CSMD1: variants seen among roughly 807,000 people sequenced by gnomAD.
CSMD1 encodes the protein CUB and Sushi multiple domains 1.
In CSMD1, 213 loss-of-function variants were observed where a neutral mutation model predicts 417.5. The ratio of observed to expected loss-of-function variants is 0.51; its 90% CI spans 0.46 to 0.57. CSMD1 has a LOEUF of 0.57. CSMD1 is among the 20% of genes least tolerant of loss of function. CSMD1 has a pLI of 0.00. For missense variants in CSMD1, 6,923 were observed against 4,529.7 expected, an observed-to-expected ratio of 1.53 and a Z score of -15.17; for synonymous variants, 2,862 against 1,736.8, an observed-to-expected ratio of 1.65 and a Z score of -16.11.
chr8:3,688,359 G>C (rs1024556367), intron 7 of CSMD1, among the ~76,000 whole-genome samples: 1 of 152,128 alleles, frequency 6.6e-6, no homozygotes, highest in Non-Finnish European at 1.5e-5. Context: ...TAATCATCCA[G>C]TGATATTTAT....
At chr8:3,163,672 A>G (rs961472628) in intron 37 of CSMD1, among the ~76,000 whole-genome samples, 1 of 151,996 alleles carries the variant, frequency 6.6e-6, no homozygotes, top group African/African-American at 2.4e-5. Context: ...CTTCAAAACC[A>G]GCGGCCACCA....
At position 4,730,109 on chromosome 8, in the gene CSMD1, C is replaced by T. The variant is rs560007144; in HGVS notation, c.86-92551G>A. 2.4e-4 allele frequency among the ~76,000 whole-genome samples: 36 copies of T among 152,144 alleles called. No individual in the cohort carries two copies. In the Middle Eastern group the frequency reaches 0.01, roughly 43 times the overall value. ...CATCTTTATTACCCCTTTTCGTCTCCGCACTTAGAAGCATTGAGAAGTACT... is the reference window on the plus strand; with the variant it reads ...CATCTTTATTACCCCTTTTCGTCTCTGCACTTAGAAGCATTGAGAAGTACT... On this transcript the variant is annotated intron_variant, in intron 1 of 69. Transcript: ENST00000635120.
chr8:4,120,561 G>T (rs117217254), intron 3 of CSMD1, among the ~76,000 whole-genome samples: 1 of 152,164 alleles, frequency 6.6e-6, no homozygotes, highest in Non-Finnish European at 1.5e-5. Flanking sequence ...CAAAACTGGC[G>T]ACCGGGAGGC....
rs34880532 is a variant in CSMD1 at position 4,401,774 on chromosome 8, C to CA, written c.415+18178dup. On this transcript the variant is annotated intron_variant, in intron 3 of 69. Coordinates refer to ENST00000635120, the MANE Select transcript of CSMD1 (RefSeq NM_033225.6). The stretch of plus-strand genomic sequence containing the variant: ...TCCCCTCTCTTGAACATAGTCCCCG[C>CA]AGCCCTGTCCAGCAGTGCTTCCTCT... Among the ~76,000 whole-genome samples, 1,266 of 152,280 alleles carry CA rather than the reference C, an allele frequency of 8.3e-3. 4 individuals are homozygous for CA. Among genetic ancestry groups the CA allele is most frequent in the Admixed American group, 0.011 (173 of 15,294 alleles).
chr8:4,199,973 A>AAAT (rs1799556186), intron 3 of CSMD1, among the ~76,000 whole-genome samples: 1 of 152,206 alleles, frequency 6.6e-6, no homozygotes, highest in Non-Finnish European at 1.5e-5. Flanking sequence ...TGAATGAAAT[A>AAAT]AATAATGGTG....
chr8:4,344,822 G>A (rs1453991597), intron 3 of CSMD1, among the ~76,000 whole-genome samples: 7 of 152,108 alleles, frequency 4.6e-5, no homozygotes, highest in Admixed American at 2.0e-4. Flanking sequence ...TATAGCAGCT[G>A]ATCTTTAAAA....
chr8:3,009,327 T>A (rs747686239), intron 52 of CSMD1, among the ~76,000 whole-genome samples: 13 of 152,224 alleles, frequency 8.5e-5, no homozygotes, highest in Non-Finnish European at 1.8e-4. Context: ...AGTATTTGCT[T>A]TGTGATTACT....
chr8:3,992,710 G>C (rs551277816), intron 5 of CSMD1, among the ~76,000 whole-genome samples: 2 of 152,184 alleles, frequency 1.3e-5, no homozygotes, highest in Non-Finnish European at 2.9e-5. Context: ...CAGTCCAGGA[G>C]TTTGAGGCTA....
At chr8:4,104,742 G>A (rs960761051) in intron 3 of CSMD1, among the ~76,000 whole-genome samples, 1 of 152,182 alleles carries the variant, frequency 6.6e-6, no homozygotes, top group Non-Finnish European at 1.5e-5. Context: ...GTCAGAGCCC[G>A]GGGAAAAGCA....
intron 6 of CSMD1, among the ~76,000 whole-genome samples, chr8:3,734,365 A>G (rs564493464): frequency 1.9e-4 from 29 of 152,338 alleles, no homozygotes; most frequent in African/African-American, 6.0e-4. Context: ...AGCATCGTAG[A>G]AAAATGGATT....
At chr8:3,304,831 CTAAT>C (rs1804699753) in intron 25 of CSMD1, among the ~76,000 whole-genome samples, 1 of 151,780 alleles carries the variant, frequency 6.6e-6, no homozygotes, top group Admixed American at 6.6e-5. Flanking sequence ...AATGCTCACT[CTAAT>C]TAATTCCAGT....
chr8:4,611,655 A>C (rs2130791949), intron 2 of CSMD1, among the ~76,000 whole-genome samples: 1 of 152,234 alleles, frequency 6.6e-6, no homozygotes, highest in East Asian at 1.9e-4. Flanking sequence ...TAAGAGAAAA[A>C]GTGTGTCTTG....
At chr8:4,619,052 G>C (rs902141123) in intron 2 of CSMD1, among the ~76,000 whole-genome samples, 9 of 152,222 alleles carry the variant, frequency 5.9e-5, no homozygotes, top group Admixed American at 3.3e-4. Context: ...CTCTGCTCAA[G>C]CATTTTTTCC....
chr8:3,431,394 G>C (rs1044114897), intron 12 of CSMD1, among the ~76,000 whole-genome samples: 2 of 152,130 alleles, frequency 1.3e-5, no homozygotes, highest in Non-Finnish European at 2.9e-5. Context: ...AGTTGCTTTA[G>C]TGTGCCGCTT....
chr8:3,744,776 A>T (rs1271681729), intron 6 of CSMD1, among the ~76,000 whole-genome samples: 2 of 151,858 alleles, frequency 1.3e-5, no homozygotes, highest in African/African-American at 4.8e-5. Flanking sequence ...GACTTGGTGT[A>T]TATTTCTCTA....
chr8:4,361,346 A>C lies in CSMD1; in HGVS notation c.415+58607T>G, dbSNP rs141937022. Reference sequence around the variant, plus strand: ...AGATAATGATATATCTGATATCTGCAGTCATCTGTGATTTTTAATTGATTT... The same window carrying C: ...AGATAATGATATATCTGATATCTGCCGTCATCTGTGATTTTTAATTGATTT... On this transcript the variant is annotated intron_variant, in intron 3 of 69. Coordinates refer to ENST00000635120, the MANE Select transcript of CSMD1 (RefSeq NM_033225.6). 5.3e-4 allele frequency among the ~76,000 whole-genome samples: 80 copies of C among 152,088 alleles called. 1 individual carries two copies. Among genetic ancestry groups the C allele is most frequent in the African/African-American group, 1.8e-3 (74 of 41,448 alleles).
intron 5 of CSMD1, among the ~76,000 whole-genome samples, chr8:3,928,468 G>A (rs893433052): frequency 6.6e-6 from 1 of 152,142 alleles, no homozygotes; most frequent in South Asian, 2.1e-4. Context: ...CAATCTTTTT[G>A]TAGAAATAAA....
At chr8:3,328,938 TG>T (rs1329211639) in intron 23 of CSMD1, among the ~76,000 whole-genome samples, 1 of 152,180 alleles carries the variant, frequency 6.6e-6, no homozygotes, top group African/African-American at 2.4e-5. Context: ...ATAACGTGCT[TG>T]GGCTCAAGTC....
In CSMD1 at chr8:4,334,823, T is replaced by A. The variant is rs554801321; in HGVS notation, c.415+85130A>T. Among the ~76,000 whole-genome samples, 479 of 151,344 alleles carry A rather than the reference T, an allele frequency of 3.2e-3. 4 individuals carry two copies. The highest frequency in any genetic ancestry group is 0.01 in the African/African-American group (419 of 41,220). On this transcript the variant is annotated intron_variant, in intron 3 of 69. Transcript: ENST00000635120. ...TGACAAAATGCCATATATTCGGAGG[T>A]TTTTAAAGAAAAGACATTTATTTCT...
Sources: gnomAD v4.1 joint callset for allele counts (sites outside exome capture counted in the v4.1 genomes callset) on GRCh38, gnomAD v4.1.1 for gene constraint, MANE v1.5 for transcripts, NCBI Gene and HGNC (gene_info 2026-07-23, HGNC 2026-07-21) for gene names.